PLD5: variants seen among roughly 807,000 people sequenced by gnomAD.
The protein encoded by PLD5 is inactive phospholipase D5.
Under a neutral mutation model 61.1 loss-of-function variants are expected in PLD5, and 36 were observed. That is an observed-to-expected ratio of 0.59 (90% CI 0.45 to 0.78). The LOEUF (loss-of-function observed/expected upper bound fraction) is 0.78, where lower values mean the gene tolerates loss of function less well. PLD5 is among the 30% of genes least tolerant of loss of function. The probability of loss-of-function intolerance (pLI) is 0.00; values close to 1 mark genes in which losing one functional copy is unlikely to be tolerated. For missense variants in PLD5, 515 were observed against 644.4 expected, an observed-to-expected ratio of 0.80 and a Z score of 2.17; for synonymous variants, 243 against 242.8, an observed-to-expected ratio of 1.00 and a Z score of -0.01.
intron 1 of PLD5, among the ~76,000 whole-genome samples, chr1:242,413,110 G>C (rs980796504): frequency 6.6e-6 from 1 of 152,146 alleles, no homozygotes; most frequent in African/African-American, 2.4e-5. Flanking sequence ...CGCTTACTCT[G>C]CAGGAAGTTG....
chr1:242,181,546 G>A (rs1667514021), intron 5 of PLD5, among the ~76,000 whole-genome samples: 1 of 152,116 alleles, frequency 6.6e-6, no homozygotes, highest in Admixed American at 6.6e-5. Flanking sequence ...TAGCACTGCT[G>A]TAGAGAACAT....
At chr1:242,109,294 A>G (rs1486914659) in intron 7 of PLD5, among the ~76,000 whole-genome samples, 1 of 152,218 alleles carries the variant, frequency 6.6e-6, no homozygotes, top group Non-Finnish European at 1.5e-5. Context: ...CCTGGCCAAC[A>G]TGGTGAAACC....
chr1:242,411,141 G>C (rs1664526802), intron 1 of PLD5, among the ~76,000 whole-genome samples: 1 of 152,176 alleles, frequency 6.6e-6, no homozygotes, highest in African/African-American at 2.4e-5. Context: ...AGGACCCCTT[G>C]AGGGTCACAC....
intron 1 of PLD5, among the ~76,000 whole-genome samples, chr1:242,470,281 G>T (rs1667404859): frequency 6.6e-6 from 1 of 151,772 alleles, no homozygotes; most frequent in African/African-American, 2.4e-5. Flanking sequence ...GGCGGAGCTT[G>T]CAGTGAGCCG....
intron 1 of PLD5, among the ~76,000 whole-genome samples, chr1:242,516,631 A>G (rs1669113342): frequency 1.3e-5 from 2 of 152,222 alleles, no homozygotes; most frequent in Admixed American, 6.5e-5. Flanking sequence ...TAAATCAAGT[A>G]TCTATCTGCA....
At chr1:242,132,196 G>GGGGT (rs1553305585) in intron 5 of PLD5, among the ~76,000 whole-genome samples, 3 of 97,698 alleles carry the variant, frequency 3.1e-5, no homozygotes. Context: ...TGATTGCGGG[G>GGGGT]GGGGGGGGGG....
At chr1:242,204,237 T>C (rs1444089699) in intron 5 of PLD5, among the ~76,000 whole-genome samples, 3 of 149,932 alleles carry the variant, frequency 2.0e-5, no homozygotes, top group East Asian at 3.9e-4. Context: ...AGCGAGACTC[T>C]TGTCTCAAAA....
chr1:242,335,420 T>C (rs1298890994), intron 2 of PLD5, among the ~76,000 whole-genome samples: 7 of 152,142 alleles, frequency 4.6e-5, no homozygotes, highest in Admixed American at 2.6e-4. Context: ...GTCCACACCA[T>C]TTGGAGATGT....
chr1:242,307,313 T>C (rs1196624659), intron 2 of PLD5, among the ~76,000 whole-genome samples: 2 of 152,032 alleles, frequency 1.3e-5, no homozygotes, highest in African/African-American at 2.4e-5. Context: ...AATACTCATA[T>C]AGTCACGCAT....
At chr1:242,112,478 C>A (rs546244713) in intron 7 of PLD5, among the ~76,000 whole-genome samples, 8 of 152,002 alleles carry the variant, frequency 5.3e-5, no homozygotes, top group African/African-American at 1.7e-4. Context: ...GGATTACAGG[C>A]GTGCGCCACC....
intron 2 of PLD5, among the ~76,000 whole-genome samples, chr1:242,296,793 C>G (rs564600946): frequency 6.6e-6 from 1 of 152,278 alleles, no homozygotes; most frequent in South Asian, 2.1e-4. Flanking sequence ...TCATAGCACA[C>G]TGCAGCCTCA....
upstream of PLD5, among the ~76,000 whole-genome samples, chr1:242,526,899 C>G (rs1669459105): frequency 6.6e-6 from 1 of 152,164 alleles, no homozygotes; most frequent in Non-Finnish European, 1.5e-5. Context: ...AAGAATACCT[C>G]TGCCTTTTGC....
chr1:242,470,454 T>A (rs1315005884), intron 1 of PLD5, among the ~76,000 whole-genome samples: 1 of 152,094 alleles, frequency 6.6e-6, no homozygotes, highest in Non-Finnish European at 1.5e-5. Flanking sequence ...GGGCCATCAC[T>A]TATTTAACCG....
intron 4 of PLD5, among the ~76,000 whole-genome samples, chr1:242,253,602 C>T (rs1278718744): frequency 1.3e-5 from 2 of 152,094 alleles, no homozygotes; most frequent in African/African-American, 2.4e-5. Context: ...CGTGAGCCAC[C>T]GCGCCCGGCC....
chr1:242,191,990 C>G (rs934549677), intron 5 of PLD5, among the ~76,000 whole-genome samples: 2 of 152,210 alleles, frequency 1.3e-5, no homozygotes, highest in African/African-American at 2.4e-5. Flanking sequence ...CACTGCCAAA[C>G]AGGCAGACAG....
chr1:242,395,844 T>G (rs964973657), intron 1 of PLD5, among the ~76,000 whole-genome samples: 2 of 152,098 alleles, frequency 1.3e-5, no homozygotes, highest in African/African-American at 4.8e-5. Flanking sequence ...GGTCAGGAGT[T>G]CAAGACCAGC....
At chr1:242,472,394 A>G (rs1667472073) in intron 1 of PLD5, among the ~76,000 whole-genome samples, 1 of 152,244 alleles carries the variant, frequency 6.6e-6, no homozygotes, top group Admixed American at 6.5e-5. Flanking sequence ...ATAGAGCAGA[A>G]GGCAAACCCT....
rs748619225 is a variant in PLD5 at position 242,086,609 on chromosome 1, G to A, written c.*3245C>T. ...CGGGGGGGTGGATAAAGGTGATGGG[G>A]CTTGGGAAGAGAACAGGCAGCATAA... is the stretch of plus-strand genomic sequence containing the variant. On this transcript the variant is annotated 3_prime_UTR_variant, in exon 10 of 10. Coordinates refer to ENST00000536534, the MANE Select transcript of PLD5 (RefSeq NM_001372062.1). The A allele has an allele frequency of 1.3e-5, 2 of 152,202 alleles. No individual in the cohort carries two copies. The highest frequency in any genetic ancestry group is 2.9e-5 in the Non-Finnish European group (2 of 68,086). The allele number at this position is 152,202 out of a possible 1,614,324, so 9.4% of individuals were successfully genotyped here.
chr1:242,352,190 TTTGA>T (rs976272051), intron 1 of PLD5, among the ~76,000 whole-genome samples: 36 of 152,208 alleles, frequency 2.4e-4, no homozygotes, highest in African/African-American at 8.4e-4. Flanking sequence ...CTTTGTACCC[TTTGA>T]TTATCATCTC....
Sources: allele counts gnomAD v4.1 joint callset (sites outside exome capture counted in the v4.1 genomes callset), GRCh38; gene constraint gnomAD v4.1.1; transcripts MANE v1.5; gene names NCBI Gene and HGNC (gene_info 2026-07-23, HGNC 2026-07-21).